Variants in FCAR observed in about 807,000 individuals in gnomAD.
FCAR encodes the protein Fc alpha receptor, also known as immunoglobulin alpha Fc receptor.
Under a neutral mutation model 27.1 loss-of-function variants are expected in FCAR, and 21 were observed. The observed-to-expected ratio is 0.77, with a 90% confidence interval of 0.55 to 1.11. The LOEUF is 1.11. FCAR is among the 50% of genes most tolerant of loss of function. The pLI is 0.00. For missense variants in FCAR, 404 were observed against 358.4 expected (o/e 1.13, Z -1.03); for synonymous variants, 134 against 135.8 (o/e 0.99, Z 0.09).
chr19:54,884,263 T>A (rs960684443), intron 2 of FCAR, among the ~76,000 whole-genome samples: 2 of 152,240 alleles, frequency 1.3e-5, no homozygotes, highest in African/African-American at 4.8e-5. Context: ...CTGCGGGGGC[T>A]GTGGTAACGG....
At chr19:54,887,741 A>AC (rs1460912974) in intron 3 of FCAR, among the ~76,000 whole-genome samples, 5 of 150,378 alleles carry the variant, frequency 3.3e-5, no homozygotes, top group South Asian at 4.2e-4. Context: ...ACATGGAGAG[A>AC]CCCCGTCTCT....
rs2067010829 is a variant in FCAR at position 54,890,356 on chromosome 19, T to C, written c.*493T>C. On this transcript the variant is annotated 3_prime_UTR_variant, in exon 5 of 5. Coordinates refer to ENST00000355524, the MANE Select transcript of FCAR (RefSeq NM_002000.4). ...GTTATGGTTTTCCATCTTATCTGTC[T>C]TCTGATTTTTTATATCCTGTTTAAT... is the stretch of plus-strand genomic sequence containing the variant. 1 of 152,614 alleles carries C rather than the reference T, an allele frequency of 6.6e-6. No homozygotes were observed. Among genetic ancestry groups the C allele is most frequent in the South Asian group, 2.1e-4 (1 of 4,846 alleles). 9.5% of individuals were successfully genotyped at this position (152,614 alleles called of 1,614,324 possible).
intron 2 of FCAR, among the ~76,000 whole-genome samples, chr19:54,881,849 G>A (rs1601919463): frequency 6.7e-6 from 1 of 148,780 alleles, no homozygotes; most frequent in African/African-American, 2.5e-5. Context: ...CCACTGCACT[G>A]CAGCGTGGGC....
chr19:54,885,594 A>G (rs1228027778), intron 3 of FCAR, 69 bp downstream of exon 3: 2 of 1,237,452 alleles, frequency 1.6e-6, no homozygotes, highest in African/African-American at 1.5e-5. Flanking sequence ...GTATTTTTCA[A>G]GAAGTTTTAG....
chr19:54,888,034 C>T lies in FCAR; in HGVS notation c.389C>T (p.Ala130Val), dbSNP rs2066846320. The T allele has an allele frequency of 6.2e-7, 1 of 1,613,686 alleles. No homozygotes were observed. The change falls in exon 4 of 5, where the codon GCA (alanine) becomes GTA (valine). Residue 130 changes from alanine (A) to valine (V), a missense_variant. Physicochemically the swap from Ala to Val is moderately conservative, Grantham distance 64. Coordinates refer to ENST00000355524, the MANE Select transcript of FCAR (RefSeq NM_002000.4). ...TGLYGKPFLS[A>V]DRGLVLMPGE... Reference sequence around the variant, plus strand: ...TTGTATGGCAAACCCTTCCTCTCTGCAGATCGGGGTCTGGTGTTGATGCCA... The same window carrying T: ...TTGTATGGCAAACCCTTCCTCTCTGTAGATCGGGGTCTGGTGTTGATGCCA...
Position 54,888,024 on chromosome 19 carries a change from T to C in FCAR, c.379T>C (p.Phe127Leu), listed in dbSNP as rs759309733. The change falls in exon 4 of 5, where the codon TTC becomes CTC. Residue 127 changes from phenylalanine (F) to leucine (L), a missense_variant. Phe to Leu is a conservative substitution (Grantham distance 22). Coordinates refer to ENST00000355524, the MANE Select transcript of FCAR (RefSeq NM_002000.4). ...LVVTGLYGKP[F>L]LSADRGLVLM... Reference sequence around the variant, plus strand: ...TCTCTTAGGCTTGTATGGCAAACCCTTCCTCTCTGCAGATCGGGGTCTGGT... The same window carrying C: ...TCTCTTAGGCTTGTATGGCAAACCCCTCCTCTCTGCAGATCGGGGTCTGGT... The C allele has an allele frequency of 6.2e-7, 1 of 1,613,312 alleles. No individual in the cohort carries two copies. The highest frequency in any genetic ancestry group is 8.5e-7 in the Non-Finnish European group (1 of 1,179,364).
Position 54,888,948 on chromosome 19 carries a change from G to A in FCAR, c.649+654G>A, listed in dbSNP as rs369779753. 4.7e-5 allele frequency: 46 copies of A among 976,198 alleles called. No individual in the cohort carries two copies. In the East Asian group the frequency reaches 1.8e-3, roughly 39 times the overall value. The allele number at this position is 976,198 out of a possible 1,614,324, so 60.5% of individuals were successfully genotyped here. On this transcript the variant is annotated intron_variant, in intron 4 of 4. Coordinates refer to ENST00000355524, the MANE Select transcript of FCAR (RefSeq NM_002000.4). ...CCGGGCGTGGTGGCGTGAGCCTGTCGTCCCAGCTACTCAGGAGGCTGAGGC... is the reference window on the plus strand; with the variant it reads ...CCGGGCGTGGTGGCGTGAGCCTGTCATCCCAGCTACTCAGGAGGCTGAGGC...
Position 54,890,053 on chromosome 19 carries a change from A to G in FCAR, c.*190A>G. ...TCGGCTCATTGAACCTCTTGGGTTC[A>G]AGTGATTCTTGTGCCTCAGCCTCCC... On this transcript the variant is annotated 3_prime_UTR_variant, in exon 5 of 5. Coordinates refer to ENST00000355524, the MANE Select transcript of FCAR (RefSeq NM_002000.4). 1 of 591,854 alleles carries G rather than the reference A, an allele frequency of 1.7e-6. No homozygotes were observed. Among genetic ancestry groups the G allele is most frequent in the Non-Finnish European group, 3.0e-6 (1 of 332,626 alleles). The allele number at this position is 591,854 out of a possible 1,614,324, so 36.7% of individuals were successfully genotyped here. A position where few individuals can be genotyped will look rare whatever the true frequency, so the allele number is the denominator to read the frequency against.
At chr19:54,888,706 A>G (rs2066895744) in intron 4 of FCAR, 4 of 601,962 alleles carry the variant, frequency 6.6e-6, no homozygotes, top group Non-Finnish European at 8.5e-6. Context: ...GGGTTTCACC[A>G]TGTTGGCCAG....
rs1230790602 is a variant in FCAR, at chr19:54,874,258, G to A, written c.-32G>A. The A allele has an allele frequency of 6.2e-7, 1 of 1,613,530 alleles. No individual in the cohort carries two copies. Among genetic ancestry groups the A allele is most frequent in the Non-Finnish European group, 8.5e-7 (1 of 1,179,650 alleles). On this transcript the variant is annotated 5_prime_UTR_variant, in exon 1 of 5. Coordinates refer to ENST00000355524, the MANE Select transcript of FCAR (RefSeq NM_002000.4). ...TCATCCTGCTAATGTGCATTGAAAG[G>A]AGAGCAACGGGGCTGAGGCCGTGTC...
intron 2 of FCAR, among the ~76,000 whole-genome samples, chr19:54,878,583 T>C (rs989641785): frequency 5.9e-5 from 9 of 152,046 alleles, no homozygotes; most frequent in Non-Finnish European, 1.2e-4. Flanking sequence ...ATTCAGCAGT[T>C]GGGCTATTAC....
At chr19:54,884,055 C>G (rs1306553655) in intron 2 of FCAR, among the ~76,000 whole-genome samples, 4 of 152,208 alleles carry the variant, frequency 2.6e-5, no homozygotes, top group African/African-American at 9.6e-5. Context: ...CAAGCCTGGC[C>G]CGTCTGGCTG....
chr19:54,886,194 G>A (rs1435747776), intron 3 of FCAR, among the ~76,000 whole-genome samples: 1 of 150,580 alleles, frequency 6.6e-6, no homozygotes, highest in East Asian at 2.0e-4. Context: ...GTTGCAGTGA[G>A]CCAAGATCAC....
chr19:54,882,365 G>A (rs1323008957), intron 2 of FCAR, among the ~76,000 whole-genome samples: 2 of 151,676 alleles, frequency 1.3e-5, no homozygotes, highest in East Asian at 3.9e-4. Flanking sequence ...TCATCTCAAT[G>A]TAGCTAAGAA....
rs1396766734 is a variant in FCAR at position 54,874,268 on chromosome 19, G to C, written c.-22G>C. 1 of 1,614,002 alleles carries C rather than the reference G, an allele frequency of 6.2e-7. No homozygotes were observed. Among genetic ancestry groups the C allele is most frequent in the South Asian group, 1.1e-5 (1 of 91,072 alleles). Reference sequence around the variant, plus strand: ...AATGTGCATTGAAAGGAGAGCAACGGGGCTGAGGCCGTGTCAGCACGATGG... The same window carrying C: ...AATGTGCATTGAAAGGAGAGCAACGCGGCTGAGGCCGTGTCAGCACGATGG... On this transcript the variant is annotated 5_prime_UTR_variant, in exon 1 of 5. Coordinates refer to ENST00000355524, the MANE Select transcript of FCAR (RefSeq NM_002000.4).
Position 54,889,925 on chromosome 19 carries a change from G to A in FCAR, c.*62G>A. The A allele has an allele frequency of 4.1e-6, 5 of 1,209,998 alleles. No individual in the cohort carries two copies. The highest frequency in any genetic ancestry group is 3.8e-5 in the South Asian group (3 of 79,030). The allele number at this position is 1,209,998 out of a possible 1,614,324, so 75.0% of individuals were successfully genotyped here. ...TGGAGTCCGACAAAGCTACTTGAAG[G>A]ACACAAGAGAGAAAAGCTCACTAAG... is the stretch of plus-strand genomic sequence containing the variant. On this transcript the variant is annotated 3_prime_UTR_variant, in exon 5 of 5. Transcript: ENST00000355524.
intron 2 of FCAR, among the ~76,000 whole-genome samples, chr19:54,877,332 G>A (rs923364459): frequency 6.6e-6 from 1 of 152,152 alleles, no homozygotes; most frequent in Non-Finnish European, 1.5e-5. Flanking sequence ...TCTCAGGAGG[G>A]TGTATGTGTC....
chr19:54,874,305 A>T lies in FCAR; in HGVS notation c.16A>T (p.Thr6Ser). 1.2e-6 allele frequency: 2 copies of T among 1,614,152 alleles called. No homozygotes were observed. Among genetic ancestry groups the T allele is most frequent in the Non-Finnish European group, 1.7e-6 (2 of 1,180,024 alleles). MDPKQ[T>S]TLLCLVLCLG... ...TGTCAGCACGATGGACCCCAAACAG[A>T]CCACCCTCCTGTGTCTTGGTGAGTT... Residue 6 changes from threonine (T) to serine (S), a missense_variant, in exon 1 of 5, where the codon ACC becomes TCC. Thr to Ser is a moderately conservative substitution (Grantham distance 58). Coordinates refer to ENST00000355524, the MANE Select transcript of FCAR (RefSeq NM_002000.4).
intron 2 of FCAR, among the ~76,000 whole-genome samples, chr19:54,882,874 A>C (rs2066503176): frequency 6.6e-6 from 1 of 151,850 alleles, no homozygotes; most frequent in African/African-American, 2.4e-5. Context: ...TTGTGGCTGA[A>C]TTTTTCCCTT....
Sources: gnomAD v4.1 joint callset for allele counts (sites outside exome capture counted in the v4.1 genomes callset) on GRCh38, gnomAD v4.1.1 for gene constraint, MANE v1.5 for transcripts, NCBI Gene and HGNC (gene_info 2026-07-23, HGNC 2026-07-21) for gene names.